Variants in MGLL observed in about 807,000 individuals in gnomAD.
MGLL encodes the protein monoglyceride lipase.
MGLL carries 7 observed loss-of-function variants against 29.1 expected under a neutral mutation model. The ratio of observed to expected loss-of-function variants is 0.24; its 90% CI spans 0.14 to 0.45. The LOEUF (loss-of-function observed/expected upper bound fraction) is 0.45, where lower values mean the gene tolerates loss of function less well. Ranked by LOEUF, MGLL falls within the 20% of genes least tolerant of loss-of-function variation. The probability of loss-of-function intolerance (pLI) is 0.99; values close to 1 mark genes in which losing one functional copy is unlikely to be tolerated. For synonymous variants in MGLL, 148 were observed against 168.3 expected, an observed-to-expected ratio of 0.88 and a Z score of 0.93; for missense variants, 356 against 413.6, an observed-to-expected ratio of 0.86 and a Z score of 1.21.
At chr3:127,740,945 C>T (rs1464438949) in intron 3 of MGLL, among the ~76,000 whole-genome samples, 2 of 152,184 alleles carry the variant, frequency 1.3e-5, no homozygotes, top group African/African-American at 4.8e-5. Context: ...CTGGACTGGC[C>T]CAGGCTGCAG....
chr3:127,731,067 C>G (rs1305027564), intron 3 of MGLL, among the ~76,000 whole-genome samples: 4 of 152,204 alleles, frequency 2.6e-5, no homozygotes, highest in African/African-American at 9.7e-5. Context: ...AAACTCAATT[C>G]CATTACTCTA....
chr3:127,705,776 C>CAAAAAA (rs36125403), intron 6 of MGLL, among the ~76,000 whole-genome samples: 2 of 112,474 alleles, frequency 1.8e-5, no homozygotes. Flanking sequence ...AACTCCATCT[C>CAAAAAA]AAAAAAAAAA....
At chr3:127,703,761 C>T (rs1194630098) in intron 6 of MGLL, among the ~76,000 whole-genome samples, 1 of 152,218 alleles carries the variant, frequency 6.6e-6, no homozygotes, top group African/African-American at 2.4e-5. Context: ...AGGGAAAAGG[C>T]AGCCCACAGA....
Position 127,694,968 on chromosome 3 carries a change from C to T in MGLL, c.816+7G>A, listed in dbSNP as rs1348484868. 6.8e-6 allele frequency: 11 copies of T among 1,613,384 alleles called. No homozygotes were observed. Among genetic ancestry groups the T allele is most frequent in the East Asian group, 2.2e-5 (1 of 44,850 alleles). Reference sequence around the variant, plus strand: ...TGGGGGGAAGTGGGCAAGTGGCAGCCGCTCACCTTGAGAGTCTTGTCCTGG... The same window carrying T: ...TGGGGGGAAGTGGGCAAGTGGCAGCTGCTCACCTTGAGAGTCTTGTCCTGG... On this transcript the variant is annotated splice_region_variant and intron_variant, in intron 7 of 7. Coordinates refer to ENST00000265052, the MANE Select transcript of MGLL (RefSeq NM_007283.7).
chr3:127,715,937 G>A (rs1354478271), intron 5 of MGLL: 3 of 409,872 alleles, frequency 7.3e-6, no homozygotes, highest in Non-Finnish European at 1.5e-5. Flanking sequence ...AGTCCTACAG[G>A]AGCATTGAGA....
intron 3 of MGLL, among the ~76,000 whole-genome samples, chr3:127,727,758 T>C (rs2076075046): frequency 6.6e-6 from 1 of 151,818 alleles, no homozygotes; most frequent in Non-Finnish European, 1.5e-5. Context: ...TTCTAAAGTT[T>C]TCTCTTACCT....
At chr3:127,730,805 C>T (rs1197474441) in intron 3 of MGLL, among the ~76,000 whole-genome samples, 1 of 152,174 alleles carries the variant, frequency 6.6e-6, no homozygotes, top group Admixed American at 6.5e-5. Context: ...GCAGTGGCTT[C>T]TAAGGTGAGT....
At chr3:127,797,399 T>C (rs2077402139) in intron 2 of MGLL, among the ~76,000 whole-genome samples, 1 of 152,028 alleles carries the variant, frequency 6.6e-6, no homozygotes, top group African/African-American at 2.4e-5. Context: ...CAAGACTCAG[T>C]CTAGTCTTGC....
intron 3 of MGLL, among the ~76,000 whole-genome samples, chr3:127,766,765 A>G (rs2076863058): frequency 1.3e-5 from 2 of 152,106 alleles, no homozygotes; most frequent in African/African-American, 4.8e-5. Flanking sequence ...GCCTTAGTTT[A>G]CCTCTTTAAA....
At chr3:127,701,109 G>A (rs766831166) in intron 6 of MGLL, among the ~76,000 whole-genome samples, 12 of 151,434 alleles carry the variant, frequency 7.9e-5, no homozygotes, top group Non-Finnish European at 1.3e-4. Flanking sequence ...CAGCTACTGC[G>A]GGGGCTGAGG....
intron 2 of MGLL, among the ~76,000 whole-genome samples, chr3:127,807,859 T>A (rs2077595631): frequency 6.9e-6 from 1 of 145,590 alleles, no homozygotes. Flanking sequence ...CCTCCTGGGT[T>A]CACGCCATTC....
At chr3:127,709,049 T>C (rs1451824333) in intron 6 of MGLL, among the ~76,000 whole-genome samples, 1 of 152,224 alleles carries the variant, frequency 6.6e-6, no homozygotes, top group Non-Finnish European at 1.5e-5. Flanking sequence ...TCTTCATCTG[T>C]GAAATGGGGT....
At chr3:127,692,423 G>C (rs2075265912) in intron 7 of MGLL, 100 bp from the exon 8 acceptor site, 4 of 1,490,482 alleles carry the variant, frequency 2.7e-6, no homozygotes, top group Admixed American at 1.7e-5. Flanking sequence ...GCATTCTCCG[G>C]ACCCTCTCCC....
intron 2 of MGLL, among the ~76,000 whole-genome samples, chr3:127,798,304 A>G (rs1242906568): frequency 1.3e-5 from 2 of 152,154 alleles, no homozygotes; most frequent in Non-Finnish European, 2.9e-5. Context: ...TAGCCCATGA[A>G]GTGAATTCTT....
At chr3:127,734,095 A>G (rs573183850) in intron 3 of MGLL, among the ~76,000 whole-genome samples, 1 of 152,308 alleles carries the variant, frequency 6.6e-6, no homozygotes, top group South Asian at 2.1e-4. Context: ...TGGTCTAAGG[A>G]GTCTAATTCT....
At chr3:127,717,847 T>TG (rs901451497) in intron 5 of MGLL, among the ~76,000 whole-genome samples, 10 of 152,186 alleles carry the variant, frequency 6.6e-5, no homozygotes, top group Admixed American at 4.6e-4. Flanking sequence ...CTCTTCCAGC[T>TG]GGGGGGCCAC....
chr3:127,737,197 T>C (rs1453201106), intron 3 of MGLL, among the ~76,000 whole-genome samples: 8 of 151,752 alleles, frequency 5.3e-5, no homozygotes, highest in Non-Finnish European at 1.0e-4. Context: ...ATCATAGCAG[T>C]GAGCATTTAT....
Position 127,761,351 on chromosome 3 carries a change from G to C in MGLL, c.262+20438C>G, listed in dbSNP as rs1242039171. On this transcript the variant is annotated intron_variant, in intron 3 of 7. Coordinates refer to ENST00000265052, the MANE Select transcript of MGLL (RefSeq NM_007283.7). This position sits in a 1 kb window ranked among gnomAD's most constrained non-coding sequence, Gnocchi z 4.6. ...TTGTTAGAGCCACCGTGTTGTGTTG[G>C]GGGTGCTGGCTTAGTTTAGGGTGGG... 6.6e-6 allele frequency among the ~76,000 whole-genome samples: 1 copy of C among 152,190 alleles called. No individual in the cohort carries two copies. The highest frequency in any genetic ancestry group is 1.5e-5 in the Non-Finnish European group (1 of 68,026).
Position 127,722,475 on chromosome 3 carries a change from C to G in MGLL, c.354G>C (p.Gln118His), listed in dbSNP as rs775518927. ...AGACAGGAAGCCCAGGGTAGTCTTT[C>G]TGCATGGAATCCACATGCTGCAACA... ...RDVLQHVDSMQKDYPGLPVFL... is the reference protein window; with the variant it reads ...RDVLQHVDSMHKDYPGLPVFL... Residue 118 changes from glutamine (Q) to histidine (H), a missense_variant, in exon 4 of 8, where the codon CAG (glutamine) becomes CAC (histidine). Gln to His is a conservative substitution (Grantham distance 24, BLOSUM62 0). Transcript: ENST00000265052. The G allele has an allele frequency of 1.2e-6, 2 of 1,614,232 alleles. No homozygotes were observed. Among genetic ancestry groups the G allele is most frequent in the Admixed American group, 3.3e-5 (2 of 60,034 alleles).
Sources: gnomAD v4.1 joint callset for allele counts (sites outside exome capture counted in the v4.1 genomes callset) on GRCh38, gnomAD v4.1.1 for gene constraint, Gnocchi (gnomAD v3.1) non-coding constraint, MANE v1.5 for transcripts, NCBI Gene and HGNC (gene_info 2026-07-23, HGNC 2026-07-21) for gene names.